Variants in AK5 observed in about 807,000 individuals in gnomAD.
The protein encoded by AK5 is adenylate kinase isoenzyme 5.
A neutral mutation model predicts 69.5 loss-of-function variants in AK5; 27 were observed. The observed-to-expected ratio is 0.39, with a 90% CI of 0.29 to 0.54. The LOEUF (loss-of-function observed/expected upper bound fraction) is 0.54, where lower values mean the gene tolerates loss of function less well. Ranked by LOEUF, AK5 falls within the 20% of genes least tolerant of loss-of-function variation. AK5 has a pLI of 0.71. For missense variants in AK5, 531 were observed against 700.4 expected, an observed-to-expected ratio of 0.76 and a Z score of 2.73; for synonymous variants, 260 against 244.4, an observed-to-expected ratio of 1.06 and a Z score of -0.60.
chr1:77,379,025 GT>G (rs1647440574), intron 6 of AK5, among the ~76,000 whole-genome samples: 1 of 152,196 alleles, frequency 6.6e-6, no homozygotes, highest in Admixed American at 6.5e-5. Context: ...TTGCTGCTCT[GT>G]AAAAATCATG....
At chr1:77,409,108 G>T (rs1335196841) in intron 6 of AK5, among the ~76,000 whole-genome samples, 1 of 152,072 alleles carries the variant, frequency 6.6e-6, no homozygotes, top group African/African-American at 2.4e-5. Context: ...CTTTTTTATG[G>T]CTGCATAGTA....
At chr1:77,282,600 T>G (rs374941161) in intron 1 of AK5, 1 of 1,318,804 alleles carries the variant, frequency 7.6e-7, no homozygotes, top group Non-Finnish European at 9.7e-7. Flanking sequence ...AGATCAAGTT[T>G]CAGTCTTCCA....
chr1:77,460,934 G>A (rs1226623455), intron 8 of AK5, among the ~76,000 whole-genome samples: 1 of 151,928 alleles, frequency 6.6e-6, no homozygotes, highest in Admixed American at 6.6e-5. Context: ...ATATTGGCCA[G>A]GCTAGTCTTG....
At chr1:77,542,443 GAGGAGGT>G (rs1659329044) in intron 13 of AK5, among the ~76,000 whole-genome samples, 1 of 152,208 alleles carries the variant, frequency 6.6e-6, no homozygotes, top group Non-Finnish European at 1.5e-5. Context: ...TGGAAAGTCT[GAGGAGGT>G]AGCATTTGAA....
intron 6 of AK5, among the ~76,000 whole-genome samples, chr1:77,402,490 C>T (rs1649293701): frequency 6.8e-6 from 1 of 146,082 alleles, no homozygotes; most frequent in Non-Finnish European, 1.5e-5. Flanking sequence ...GTTCCCCTTC[C>T]TGTGTCCATG....
rs1379387336 is a variant in AK5, at chr1:77,521,837, T to G, written c.1322T>G (p.Leu441Trp). 2 of 1,613,536 alleles carry G rather than the reference T, an allele frequency of 1.2e-6. No homozygotes were observed. The highest frequency in any genetic ancestry group is 1.7e-6 in the Non-Finnish European group (2 of 1,179,756). The part of the protein sequence containing the change: ...RGDLVPSGIV[L>W]ELLKEAMVAS... Reference sequence around the variant, plus strand: ...CTCGCTTTGCTCCAGGGCATCGTTTTGGAGCTCCTGAAGGAGGCCATGGTG... The same window carrying G: ...CTCGCTTTGCTCCAGGGCATCGTTTGGGAGCTCCTGAAGGAGGCCATGGTG... The change falls in exon 12 of 14, where the codon TTG becomes TGG. Residue 441 changes from leucine (L) to tryptophan (W), a missense_variant. Leu to Trp is a moderately conservative substitution (Grantham distance 61). Coordinates refer to ENST00000354567, the MANE Select transcript of AK5 (RefSeq NM_174858.3).
chr1:77,499,507 G>A (rs1656571095), intron 10 of AK5, among the ~76,000 whole-genome samples: 1 of 152,174 alleles, frequency 6.6e-6, no homozygotes, highest in South Asian at 2.1e-4. Context: ...GGTGTAAAGT[G>A]CATTGAACCT....
At chr1:77,291,226 A>T (rs1658668109) in intron 2 of AK5, among the ~76,000 whole-genome samples, 1 of 152,194 alleles carries the variant, frequency 6.6e-6, no homozygotes, top group African/African-American at 2.4e-5. Flanking sequence ...ATCCTTTTAG[A>T]CTTGAAACCT....
chr1:77,476,800 T>A (rs951689355), intron 8 of AK5, among the ~76,000 whole-genome samples: 1 of 151,918 alleles, frequency 6.6e-6, no homozygotes, highest in Admixed American at 6.6e-5. Flanking sequence ...TTTTCTGAGA[T>A]CAGATGAGAT....
chr1:77,304,865 T>C (rs913875574), intron 5 of AK5, among the ~76,000 whole-genome samples: 12 of 152,248 alleles, frequency 7.9e-5, no homozygotes, highest in African/African-American at 2.9e-4. Flanking sequence ...GCAGTGGGAT[T>C]GCAGAATCAT....
At chr1:77,444,220 A>ATG (rs1209074822) in intron 8 of AK5, among the ~76,000 whole-genome samples, 20 of 110,658 alleles carry the variant, frequency 1.8e-4, no homozygotes, top group Non-Finnish European at 3.5e-4. Flanking sequence ...TATACCACTT[A>ATG]TGTATATATA....
chr1:77,400,933 T>TAA (rs71689422), intron 6 of AK5, among the ~76,000 whole-genome samples: 25,877 of 115,120 alleles, frequency 0.22, 3,353 homozygotes, highest in East Asian at 0.39. Context: ...TTCATTCTGT[T>TAA]AAAAAAAAAA....
chr1:77,537,088 A>T (rs968633449), intron 13 of AK5, among the ~76,000 whole-genome samples: 8 of 152,154 alleles, frequency 5.3e-5, no homozygotes, highest in Non-Finnish European at 8.8e-5. Flanking sequence ...TTTCAGTAGG[A>T]GAGAGAGACA....
At chr1:77,434,947 G>T (rs1242070430) in intron 8 of AK5, among the ~76,000 whole-genome samples, 2 of 152,138 alleles carry the variant, frequency 1.3e-5, no homozygotes, top group Non-Finnish European at 2.9e-5. Context: ...GAAATTGCCT[G>T]GTTAGATGGA....
chr1:77,385,031 AAT>A (rs10568838), intron 6 of AK5, among the ~76,000 whole-genome samples: 2,883 of 152,274 alleles, frequency 0.019, 91 homozygotes, highest in African/African-American at 0.066. Context: ...TTTGTTGATT[AAT>A]ATATTGCTAT....
chr1:77,312,052 G>A (rs1659987047), intron 5 of AK5, among the ~76,000 whole-genome samples: 1 of 152,120 alleles, frequency 6.6e-6, no homozygotes, highest in Non-Finnish European at 1.5e-5. Flanking sequence ...TCGGCCAGAA[G>A]GGATGATAAT....
intron 10 of AK5, among the ~76,000 whole-genome samples, chr1:77,486,849 T>C (rs1655637518): frequency 2.0e-5 from 3 of 152,322 alleles, no homozygotes; most frequent in South Asian, 4.1e-4. Flanking sequence ...CTTTTCAGCA[T>C]GGAAAAAGTA....
At position 77,550,333 on chromosome 1, in the gene AK5, G is replaced by A. The variant is rs937655544; in HGVS notation, c.1621-8269G>A. Among the ~76,000 whole-genome samples, 6 of 152,258 alleles carry A rather than the reference G, an allele frequency of 3.9e-5. No homozygotes were observed. In the East Asian group the frequency reaches 1.2e-3, roughly 29 times the overall value. On this transcript the variant is annotated intron_variant, in intron 13 of 13. Transcript: ENST00000354567. Reference sequence around the variant, plus strand: ...AGACCTCATACATTCTGATTTTGCTGACTCAGAATTGCAGATCTTTCGGAG... The same window carrying A: ...AGACCTCATACATTCTGATTTTGCTAACTCAGAATTGCAGATCTTTCGGAG...
chr1:77,321,400 C>A (rs960953452), intron 5 of AK5, among the ~76,000 whole-genome samples: 2 of 151,726 alleles, frequency 1.3e-5, no homozygotes, highest in Non-Finnish European at 2.9e-5. Context: ...ACCCGAGAGG[C>A]GTAGGTTGCA....
Sources: allele counts gnomAD v4.1 joint callset (sites outside exome capture counted in the v4.1 genomes callset), GRCh38; gene constraint gnomAD v4.1.1; transcripts MANE v1.5; gene names NCBI Gene and HGNC (gene_info 2026-07-23, HGNC 2026-07-21).